The following CDYL variants were observed in gnomAD, a reference collection of about 807,000 sequenced individuals.
CDYL encodes chromodomain Y like, also known as chromodomain Y-like protein.
In CDYL, 8 loss-of-function variants were observed where a neutral mutation model predicts 47.3. The observed-to-expected ratio is 0.17, with a 90% CI of 0.10 to 0.31. The LOEUF is 0.31. Among genes scored for constraint, CDYL ranks in the 10% least tolerant of loss-of-function variants. The probability of loss-of-function intolerance (pLI) is 1.00; values close to 1 mark genes in which losing one functional copy is unlikely to be tolerated. For synonymous variants in CDYL, 266 were observed against 265.0 expected (o/e 1.00, Z -0.04); for missense variants, 471 against 701.4 (o/e 0.67, Z 3.71).
At chr6:4,756,368 C>A (rs980443770) in intron 3 of CDYL, among the ~76,000 whole-genome samples, 6 of 152,100 alleles carry the variant, frequency 3.9e-5, no homozygotes, top group African/African-American at 1.4e-4. Context: ...TTACTTTCTG[C>A]CTTCTAAACT....
intron 3 of CDYL, among the ~76,000 whole-genome samples, chr6:4,743,498 C>T (rs950840642): frequency 6.6e-6 from 1 of 152,188 alleles, no homozygotes; most frequent in Non-Finnish European, 1.5e-5. Flanking sequence ...CAAAATTTTA[C>T]ACTTCTTACC....
intron 1 of CDYL, among the ~76,000 whole-genome samples, chr6:4,711,020 C>A (rs1406259894): frequency 1.3e-5 from 2 of 152,018 alleles, no homozygotes; most frequent in Non-Finnish European, 2.9e-5. Context: ...ATATGTACTG[C>A]AAAATGCCAT....
At chr6:4,723,858 T>C (rs1247976989) in intron 2 of CDYL, among the ~76,000 whole-genome samples, 5 of 152,362 alleles carry the variant, frequency 3.3e-5, no homozygotes, top group Admixed American at 1.3e-4. Flanking sequence ...AAACTGAGTG[T>C]TTAGGTCTAA....
intron 2 of CDYL, among the ~76,000 whole-genome samples, chr6:4,934,338 A>G (rs1314030865): frequency 6.6e-6 from 1 of 152,164 alleles, no homozygotes; most frequent in Non-Finnish European, 1.5e-5. Context: ...TCAAAAATAT[A>G]ATTAAAAAAA....
chr6:4,952,596 A>G (rs1447416906), intron 6 of CDYL, among the ~76,000 whole-genome samples, 187 bp downstream of exon 6: 1 of 152,176 alleles, frequency 6.6e-6, no homozygotes, highest in Admixed American at 6.5e-5. Context: ...TCCCTTTGCA[A>G]ATACCCAGGA....
intron 3 of CDYL, among the ~76,000 whole-genome samples, chr6:4,762,845 G>T (rs1489900739): frequency 6.6e-6 from 1 of 152,092 alleles, no homozygotes; most frequent in Non-Finnish European, 1.5e-5. Context: ...AAACTCAGAA[G>T]GGAAGAAGAG....
At chr6:4,785,344 A>G (rs900765545) in intron 1 of CDYL, among the ~76,000 whole-genome samples, 1 of 152,212 alleles carries the variant, frequency 6.6e-6, no homozygotes, top group Non-Finnish European at 1.5e-5. Flanking sequence ...GTTAGCTTCA[A>G]TATATCTAGA....
rs183960586 is a variant in CDYL at position 4,911,764 on chromosome 6, C to T, written c.691+19385C>T. On this transcript the variant is annotated intron_variant, in intron 2 of 6. Coordinates refer to ENST00000397588, the MANE Select transcript of CDYL (RefSeq NM_004824.4). ...TAAACCTTTAGGGGTTACAGGACATCCACTTTCAAATTTCACCTTCCAGTA... is the reference window on the plus strand; with the variant it reads ...TAAACCTTTAGGGGTTACAGGACATTCACTTTCAAATTTCACCTTCCAGTA... Among the ~76,000 whole-genome samples the T allele has an allele frequency of 3.2e-3, 493 of 152,304 alleles. 1 individual carries two copies. The highest frequency in any genetic ancestry group is 0.011 in the African/African-American group (477 of 41,566).
chr6:4,765,143 C>T lies in CDYL; in HGVS notation c.186+30299C>T, dbSNP rs116338263. Among the ~76,000 whole-genome samples, 943 of 152,078 alleles carry T rather than the reference C, an allele frequency of 6.2e-3. 8 individuals are homozygous for T. The highest frequency in any genetic ancestry group is 0.022 in the African/African-American group (909 of 41,482). On this transcript the variant is annotated intron_variant, in intron 3 of 8. Coordinates refer to the CDYL transcript ENST00000328908. The stretch of plus-strand genomic sequence containing the variant: ...TTTGAAACCAGCCTGGCCAATGTGA[C>T]GAAACCCATCTCTACTAAAGTACAG...
intron 2 of CDYL, among the ~76,000 whole-genome samples, chr6:4,918,188 A>T (rs1267065345): frequency 6.6e-6 from 1 of 152,232 alleles, no homozygotes; most frequent in Non-Finnish European, 1.5e-5. Context: ...AAGTAGAATC[A>T]TTTCTGCAGG....
chr6:4,814,114 G>A (rs577663004), intron 1 of CDYL, among the ~76,000 whole-genome samples: 8 of 152,170 alleles, frequency 5.3e-5, no homozygotes, highest in African/African-American at 1.7e-4. Context: ...TGAACTTTTG[G>A]TGCATCTGGA....
At chr6:4,891,362 C>G (rs767856843) in intron 1 of CDYL, among the ~76,000 whole-genome samples, 10 of 152,274 alleles carry the variant, frequency 6.6e-5, no homozygotes, top group Non-Finnish European at 1.2e-4. Flanking sequence ...CTGGGATGAC[C>G]AGGCACAGCT....
chr6:4,743,206 T>C (rs558210933), intron 3 of CDYL, among the ~76,000 whole-genome samples: 1 of 152,294 alleles, frequency 6.6e-6, no homozygotes, highest in Non-Finnish European at 1.5e-5. Flanking sequence ...CTTGTTTCCA[T>C]TGTCTGGCAA....
In CDYL at chr6:4,783,663, C is replaced by T. The variant is rs558206602; in HGVS notation, c.24+6856C>T. Among the ~76,000 whole-genome samples the T allele has an allele frequency of 4.6e-4, 70 of 152,154 alleles. No homozygotes were observed. The South Asian group carries it at 4.8e-3, about 10-fold the overall frequency. ...AACTCCTGACATCAAGTGATCCACC[C>T]GCCTCAGCCTCCCAGAGTGCTTGGA... is the stretch of plus-strand genomic sequence containing the variant. On this transcript the variant is annotated intron_variant, in intron 1 of 6. Coordinates refer to ENST00000397588, the MANE Select transcript of CDYL (RefSeq NM_004824.4).
intron 3 of CDYL, among the ~76,000 whole-genome samples, chr6:4,764,118 C>T (rs574284788): frequency 2.0e-5 from 3 of 152,062 alleles, no homozygotes; most frequent in African/African-American, 7.2e-5. Flanking sequence ...TGTAAATGGA[C>T]TAAATATCCC....
chr6:4,925,956 A>G (rs1050440756), intron 2 of CDYL, among the ~76,000 whole-genome samples: 1 of 152,212 alleles, frequency 6.6e-6, no homozygotes, highest in Non-Finnish European at 1.5e-5. Context: ...GATTTATAAC[A>G]TACAACTAGT....
In CDYL at chr6:4,872,046, G is replaced by T. The variant is rs112060279; in HGVS notation, c.25-19667G>T. Among the ~76,000 whole-genome samples, 1,134 of 152,300 alleles carry T rather than the reference G, an allele frequency of 7.4e-3. 13 individuals carry two copies. The highest frequency in any genetic ancestry group is 0.026 in the African/African-American group (1,091 of 41,564). On this transcript the variant is annotated intron_variant, in intron 1 of 6. Transcript: ENST00000397588. ...ATCTGTCTGTCATTGGTCTCAGTAT[G>T]TGTGCGCAAGTGTATCAGTGTGTGG...
At chr6:4,909,282 A>G (rs1397724891) in intron 2 of CDYL, among the ~76,000 whole-genome samples, 1 of 152,230 alleles carries the variant, frequency 6.6e-6, no homozygotes, top group Non-Finnish European at 1.5e-5. Flanking sequence ...GTGAGGAATC[A>G]GGGAAGGGCT....
chr6:4,831,048 G>A (rs1297018377), intron 1 of CDYL, among the ~76,000 whole-genome samples: 1 of 151,972 alleles, frequency 6.6e-6, no homozygotes, highest in Non-Finnish European at 1.5e-5. Context: ...ATTGTGAATA[G>A]TGCCGCAATA....
Sources: allele counts gnomAD v4.1 joint callset (sites outside exome capture counted in the v4.1 genomes callset), GRCh38; gene constraint gnomAD v4.1.1; transcripts MANE v1.5; gene names NCBI Gene and HGNC (gene_info 2026-07-23, HGNC 2026-07-21).